The following CUX1 variants were observed in gnomAD, a reference collection of about 807,000 sequenced individuals.
CUX1 encodes the protein protein CASP.
CUX1 carries 31 observed loss-of-function variants against 158.8 expected under a neutral mutation model. The observed-to-expected ratio is 0.20, with a 90% CI of 0.15 to 0.26. The LOEUF (loss-of-function observed/expected upper bound fraction) is 0.26. Ranked by LOEUF, CUX1 falls within the 10% of genes least tolerant of loss-of-function variation. CUX1 has a pLI of 1.00. For synonymous variants in CUX1, 879 were observed against 862.1 expected, an observed-to-expected ratio of 1.02 and a Z score of -0.34; for missense variants, 1,589 against 2,014.6, an observed-to-expected ratio of 0.79 and a Z score of 4.04.
chr7:102,137,576 C>T (rs1396137317), intron 8 of CUX1, among the ~76,000 whole-genome samples: 1 of 152,100 alleles, frequency 6.6e-6, no homozygotes, highest in Non-Finnish European at 1.5e-5. Context: ...GTGAAGGTTA[C>T]AGTGAGCTGA....
chr7:102,207,537 A>AC (rs1301848565), intron 20 of CUX1, among the ~76,000 whole-genome samples: 3 of 148,428 alleles, frequency 2.0e-5, no homozygotes, highest in East Asian at 2.0e-4. Flanking sequence ...TGTAACCTCC[A>AC]CCCCCCCAGG....
intron 1 of CUX1, among the ~76,000 whole-genome samples, chr7:101,830,529 T>C (rs1192986655): frequency 3.3e-5 from 5 of 152,186 alleles, no homozygotes; most frequent in African/African-American, 1.2e-4. Flanking sequence ...CATAGCTCTC[T>C]GCAACCGCGA....
At chr7:101,909,577 A>T (rs1318207472) in intron 1 of CUX1, among the ~76,000 whole-genome samples, 2 of 152,202 alleles carry the variant, frequency 1.3e-5, no homozygotes, top group Non-Finnish European at 2.9e-5. Context: ...TGTACAAGTG[A>T]TCTATTTTTT....
chr7:101,816,826 C>T, upstream of CUX1: 7 of 717,620 alleles, frequency 9.8e-6, no homozygotes, highest in Non-Finnish European at 1.0e-5. Flanking sequence ...CGCCCGCGCT[C>T]GCTACCCCCG....
At chr7:101,890,482 T>C (rs1206597290) in intron 1 of CUX1, among the ~76,000 whole-genome samples, 1 of 149,662 alleles carries the variant, frequency 6.7e-6, no homozygotes, top group East Asian at 2.0e-4. Flanking sequence ...CAGCCTGTCC[T>C]TCGTGGGAAT....
intron 4 of CUX1, among the ~76,000 whole-genome samples, chr7:102,093,243 A>G (rs1043860365): frequency 1.4e-5 from 2 of 142,376 alleles, no homozygotes; most frequent in African/African-American, 2.6e-5. Flanking sequence ...AAAAAAAAAA[A>G]AAGAAAGTCA....
chr7:101,862,690 C>G (rs1797586526), intron 1 of CUX1, among the ~76,000 whole-genome samples: 1 of 152,092 alleles, frequency 6.6e-6, no homozygotes. Flanking sequence ...TGCAAGTGTG[C>G]CCTGAACACG....
intron 14 of CUX1, among the ~76,000 whole-genome samples, chr7:102,271,899 G>A (rs1429483366): frequency 2.6e-5 from 4 of 152,226 alleles, no homozygotes; most frequent in African/African-American, 9.6e-5. Flanking sequence ...GCAGGCGCCT[G>A]TAATCCCAGC....
chr7:102,120,355 G>T (rs1831902282), intron 8 of CUX1, among the ~76,000 whole-genome samples: 1 of 152,224 alleles, frequency 6.6e-6, no homozygotes, highest in Admixed American at 6.5e-5. Flanking sequence ...CCGAGGCACT[G>T]AGCCTCGATG....
At chr7:102,129,614 G>A (rs1278035447) in intron 8 of CUX1, among the ~76,000 whole-genome samples, 2 of 152,292 alleles carry the variant, frequency 1.3e-5, no homozygotes, top group East Asian at 3.9e-4. Context: ...AACCTGGGAG[G>A]CAGAGGCTGC....
chr7:101,896,243 G>A (rs1000976909), intron 1 of CUX1, among the ~76,000 whole-genome samples: 14 of 152,010 alleles, frequency 9.2e-5, no homozygotes, highest in South Asian at 2.1e-4. Flanking sequence ...GCAGTCTTCC[G>A]ACCTCCAGCT....
At chr7:102,216,798 ACACACACCCC>A (rs372009591) in intron 20 of CUX1, among the ~76,000 whole-genome samples, 1 of 41,408 alleles carries the variant, frequency 2.4e-5, no homozygotes, top group Non-Finnish European at 6.5e-5. Flanking sequence ...ACACTCTCCC[ACACACACCCC>A]CACACACACT....
At chr7:102,040,420 G>A (rs1011520547) in intron 3 of CUX1, among the ~76,000 whole-genome samples, 2 of 152,202 alleles carry the variant, frequency 1.3e-5, no homozygotes, top group Non-Finnish European at 2.9e-5. Context: ...AAGGAAGTTA[G>A]TAGGGCCCGG....
chr7:101,834,808 G>A (rs1254756910), intron 1 of CUX1, among the ~76,000 whole-genome samples: 1 of 152,016 alleles, frequency 6.6e-6, no homozygotes, highest in Non-Finnish European at 1.5e-5. Flanking sequence ...AGATCAGCCT[G>A]GCCAACATGG....
chr7:101,939,122 C>A (rs1176752143), intron 2 of CUX1, among the ~76,000 whole-genome samples: 5 of 117,514 alleles, frequency 4.3e-5, no homozygotes, highest in African/African-American at 6.5e-5. Context: ...TATGATGGTT[C>A]CACTGTCCCC....
intron 11 of CUX1, among the ~76,000 whole-genome samples, chr7:102,179,097 G>A (rs1792733174): frequency 6.6e-6 from 1 of 152,008 alleles, no homozygotes; most frequent in South Asian, 2.1e-4. Context: ...ACACAAGCTG[G>A]AGTGCAATGG....
At position 102,258,135 on chromosome 7, in the gene CUX1, G is replaced by A. The variant is rs544026484; in HGVS notation, c.*9093G>A. On this transcript the variant is annotated 3_prime_UTR_variant, in exon 24 of 24. Transcript: ENST00000292535. ...CTGTACAACGGTCCCTATATAATACGGAGAAGCAATATCACTGTATGAGAC... is the reference window on the plus strand; with the variant it reads ...CTGTACAACGGTCCCTATATAATACAGAGAAGCAATATCACTGTATGAGAC... The A allele has an allele frequency of 6.5e-5, 64 of 984,956 alleles. No homozygotes were observed. In the African/African-American group the frequency reaches 7.2e-4, roughly 11 times the overall value. 61.0% of individuals were successfully genotyped at this position (984,956 alleles called of 1,614,324 possible). A position where few individuals can be genotyped will look rare whatever the true frequency, so the allele number is the denominator to read the frequency against.
chr7:102,039,131 T>C (rs1389713004), intron 3 of CUX1, among the ~76,000 whole-genome samples: 3 of 152,200 alleles, frequency 2.0e-5, no homozygotes, highest in African/African-American at 4.8e-5. Context: ...AGTTACGAGC[T>C]CTGTATACCC....
chr7:101,926,793 C>T (rs1805644893), intron 2 of CUX1, among the ~76,000 whole-genome samples: 1 of 152,178 alleles, frequency 6.6e-6, no homozygotes, highest in Non-Finnish European at 1.5e-5. Flanking sequence ...TATCCCATTT[C>T]ACCCAGGAGG....
Sources: allele counts gnomAD v4.1 joint callset (sites outside exome capture counted in the v4.1 genomes callset), GRCh38; gene constraint gnomAD v4.1.1; transcripts MANE v1.5; gene names NCBI Gene and HGNC (gene_info 2026-07-23, HGNC 2026-07-21).